SGCD: variants seen among roughly 807,000 people sequenced by gnomAD.
SGCD encodes the protein sarcoglycan delta, also known as delta-sarcoglycan.
SGCD carries 18 observed loss-of-function variants against 36.6 expected under a neutral mutation model. That is an observed-to-expected ratio of 0.49 (90% CI 0.34 to 0.73). The LOEUF is 0.73. Ranked by LOEUF, SGCD falls within the 30% of genes least tolerant of loss-of-function variation. SGCD has a pLI of 0.01. For synonymous variants in SGCD, 133 were observed against 130.6 expected (o/e 1.02, Z -0.12); for missense variants, 387 against 346.7 (o/e 1.12, Z -0.92).
At chr5:156,070,209 A>C (rs543782833) in intron 1 of SGCD, among the ~76,000 whole-genome samples, 2 of 151,150 alleles carry the variant, frequency 1.3e-5, no homozygotes, top group Admixed American at 6.6e-5. Flanking sequence ...GTCTTGTGCC[A>C]GTTTTCAAAG....
At chr5:155,809,291 T>C in the SGCD span, among the ~76,000 whole-genome samples, 1 of 152,328 alleles carries the variant, frequency 6.6e-6, no homozygotes, top group South Asian at 2.1e-4. Context: ...GAATAACACC[T>C]TGAAGCATTT....
chr5:156,233,303 T>C (rs1581184685), intron 3 of SGCD, among the ~76,000 whole-genome samples: 1 of 152,364 alleles, frequency 6.6e-6, no homozygotes, highest in South Asian at 2.1e-4. Flanking sequence ...GAGTGATAGA[T>C]GTTATATTCG....
intron 3 of SGCD, among the ~76,000 whole-genome samples, chr5:156,468,506 T>A (rs1754812739): frequency 6.6e-6 from 1 of 152,072 alleles, no homozygotes; most frequent in South Asian, 2.1e-4. Flanking sequence ...TATTGCTGGG[T>A]TAAATGACAA....
chr5:155,912,457 C>T (rs1246898412), intron 1 of SGCD, among the ~76,000 whole-genome samples: 1 of 152,058 alleles, frequency 6.6e-6, no homozygotes, highest in Non-Finnish European at 1.5e-5. Context: ...GCATGAACAC[C>T]TTGGGTTCTG....
chr5:156,380,286 C>T (rs187324282), intron 3 of SGCD, among the ~76,000 whole-genome samples: 39 of 152,260 alleles, frequency 2.6e-4, no homozygotes, highest in African/African-American at 6.7e-4. Context: ...CCAAAGGAGA[C>T]GTTGAAATGC....
chr5:155,787,653 C>T, the SGCD span, among the ~76,000 whole-genome samples: 2 of 152,088 alleles, frequency 1.3e-5, no homozygotes. Flanking sequence ...ATGTTTATGT[C>T]CTGTCTGTTG....
intron 3 of SGCD, among the ~76,000 whole-genome samples, chr5:156,405,309 A>T (rs183875939): frequency 1.3e-5 from 2 of 152,330 alleles, no homozygotes; most frequent in Admixed American, 1.3e-4. Context: ...GCCACTAAAC[A>T]TATCATCTTC....
intron 1 of SGCD, among the ~76,000 whole-genome samples, chr5:155,886,815 G>T (rs1756013898): frequency 6.6e-6 from 1 of 152,196 alleles, no homozygotes; most frequent in Non-Finnish European, 1.5e-5. Context: ...AGAATGCCCA[G>T]GGGCAAAAAT....
At chr5:155,954,201 C>T (rs562942954) in intron 1 of SGCD, among the ~76,000 whole-genome samples, 6 of 152,226 alleles carry the variant, frequency 3.9e-5, no homozygotes, top group East Asian at 1.9e-4. Flanking sequence ...TTTCAAAGAG[C>T]GTTTGAAAGT....
chr5:156,642,769 G>A (rs1189083037), intron 6 of SGCD, among the ~76,000 whole-genome samples: 1 of 151,506 alleles, frequency 6.6e-6, no homozygotes, highest in Non-Finnish European at 1.5e-5. Flanking sequence ...GCCTGGCCCA[G>A]TCTTCTTTAT....
intron 3 of SGCD, among the ~76,000 whole-genome samples, chr5:156,456,082 T>A (rs1473034183): frequency 6.6e-6 from 1 of 152,174 alleles, no homozygotes; most frequent in African/African-American, 2.4e-5. Flanking sequence ...CCAGTTTGTA[T>A]TACTCTGCTA....
intron 3 of SGCD, among the ~76,000 whole-genome samples, chr5:156,318,761 C>T (rs891558764): frequency 6.6e-6 from 1 of 151,938 alleles, no homozygotes; most frequent in Non-Finnish European, 1.5e-5. Context: ...TCGCCTGGCT[C>T]AGTTTTGTAT....
At chr5:156,181,182 C>T (rs1324332044) in intron 3 of SGCD, among the ~76,000 whole-genome samples, 1 of 152,066 alleles carries the variant, frequency 6.6e-6, no homozygotes, top group East Asian at 1.9e-4. Flanking sequence ...TGCCAAAGCA[C>T]CATATTTTGG....
chr5:156,306,218 T>C (rs961189958), intron 3 of SGCD, among the ~76,000 whole-genome samples: 1 of 152,170 alleles, frequency 6.6e-6, no homozygotes, highest in Non-Finnish European at 1.5e-5. Context: ...TGAATTCCCA[T>C]GTATTGCGAG....
chr5:156,650,795 A>G (rs933046089), intron 7 of SGCD, among the ~76,000 whole-genome samples: 1 of 152,162 alleles, frequency 6.6e-6, no homozygotes, highest in Non-Finnish European at 1.5e-5. Context: ...ATGAATATAC[A>G]AGTGCCTATG....
intron 3 of SGCD, among the ~76,000 whole-genome samples, chr5:156,285,904 A>G (rs915425739): frequency 3.3e-5 from 5 of 152,198 alleles, no homozygotes; most frequent in African/African-American, 9.6e-5. Context: ...AAAATGGGAG[A>G]AAAATTTTTA....
At chr5:155,961,172 G>A (rs960856100) in intron 1 of SGCD, among the ~76,000 whole-genome samples, 1 of 151,980 alleles carries the variant, frequency 6.6e-6, no homozygotes, top group Non-Finnish European at 1.5e-5. Context: ...CTCTAATGTA[G>A]CTTTGCTGTT....
chr5:156,567,380 AG>A (rs746144572), intron 4 of SGCD, among the ~76,000 whole-genome samples: 961 of 34,406 alleles, frequency 0.028, 6 homozygotes, highest in African/African-American at 0.031. Context: ...ATAGATAAAT[AG>A]ATAGATAGAT....
intron 1 of SGCD, among the ~76,000 whole-genome samples, chr5:156,030,402 C>T (rs1045726158): frequency 5.2e-4 from 79 of 152,144 alleles, no homozygotes; most frequent in Non-Finnish European, 1.0e-3. Flanking sequence ...TGCCAGGTGA[C>T]GGCAGAGGCA....
Sources: gnomAD v4.1 joint callset for allele counts (sites outside exome capture counted in the v4.1 genomes callset) on GRCh38, gnomAD v4.1.1 for gene constraint, MANE v1.5 for transcripts, NCBI Gene and HGNC (gene_info 2026-07-23, HGNC 2026-07-21) for gene names.